Variants in AGFG1 observed in about 807,000 individuals in gnomAD.
AGFG1 encodes the protein ArfGAP with FG repeats 1.
A neutral mutation model predicts 60.6 loss-of-function variants in AGFG1; 10 were observed. The ratio of observed to expected loss-of-function variants is 0.16; its 90% CI spans 0.10 to 0.28. AGFG1 has a LOEUF of 0.28. Ranked by LOEUF, AGFG1 falls within the 10% of genes least tolerant of loss-of-function variation. The pLI, the probability that AGFG1 is intolerant of heterozygous loss-of-function variation, is 1.00. For synonymous variants in AGFG1, 247 were observed against 242.9 expected, an observed-to-expected ratio of 1.02 and a Z score of -0.16; for missense variants, 537 against 676.5, an observed-to-expected ratio of 0.79 and a Z score of 2.29.
chr2:227,501,022 G>C (rs745694107), intron 2 of AGFG1, among the ~76,000 whole-genome samples: 2 of 152,100 alleles, frequency 1.3e-5, no homozygotes, highest in Non-Finnish European at 2.9e-5. Flanking sequence ...TTGAACTCCT[G>C]ATCTCAGGTG....
chr2:227,560,615 C>T lies in AGFG1; in HGVS notation c.*6120C>T, dbSNP rs1469202506. The T allele has an allele frequency of 3.9e-5, 6 of 152,108 alleles. No homozygotes were observed. Among genetic ancestry groups the T allele is most frequent in the African/African-American group, 9.7e-5 (4 of 41,446 alleles). 9.4% of individuals were successfully genotyped at this position (152,108 alleles called of 1,614,324 possible). On this transcript the variant is annotated 3_prime_UTR_variant, in exon 13 of 13. Transcript: ENST00000310078. The stretch of plus-strand genomic sequence containing the variant: ...ACTTTGTTTTGCAGTTTGTTGGTAT[C>T]GTGCCTTTCCTTATCTACATTAGCT...
Position 227,533,581 on chromosome 2 carries a change from G to C in AGFG1, c.847G>C (p.Ala283Pro). ...GSAASVNANF[A>P]HFDNFPKSSS... ...TGCTGCATCAGTAAATGCTAATTTTGCTCATTTTGATAACTTCCCCAAATC... is the reference window on the plus strand; with the variant it reads ...TGCTGCATCAGTAAATGCTAATTTTCCTCATTTTGATAACTTCCCCAAATC... The change falls in exon 7 of 13, where the codon GCT (alanine) becomes CCT (proline). Residue 283 changes from alanine (A) to proline (P), a missense_variant. This residue lies in a region of AGFG1 where 287 missense variants were observed against 343.6 expected (regional missense o/e 0.84). Coordinates refer to ENST00000310078, the MANE Select transcript of AGFG1 (RefSeq NM_004504.5). The C allele has an allele frequency of 3.1e-6, 5 of 1,613,656 alleles. No individual in the cohort carries two copies. The highest frequency in any genetic ancestry group is 4.2e-6 in the Non-Finnish European group (5 of 1,179,738).
intron 6 of AGFG1, among the ~76,000 whole-genome samples, chr2:227,531,655 A>G (rs1012471423): frequency 2.0e-4 from 29 of 146,640 alleles, no homozygotes; most frequent in African/African-American, 4.5e-4. Flanking sequence ...CTGGTCTTGA[A>G]CTCCTGGCCT....
chr2:227,523,069 G>A (rs1691870507), intron 3 of AGFG1, among the ~76,000 whole-genome samples: 4 of 152,148 alleles, frequency 2.6e-5, no homozygotes, highest in African/African-American at 9.7e-5. Context: ...ACATGCATCT[G>A]TATACACTTA....
At chr2:227,526,704 G>A (rs1260737544) in intron 5 of AGFG1, among the ~76,000 whole-genome samples, 2 of 148,260 alleles carry the variant, frequency 1.3e-5, no homozygotes, top group African/African-American at 5.0e-5. Flanking sequence ...CACCACTCCC[G>A]GCTGTTTTTT....
rs550046526 is a variant in AGFG1 at position 227,491,520 on chromosome 2, A to C, written c.168-27A>C. On this transcript the variant is annotated intron_variant, in intron 1 of 12. Transcript: ENST00000310078. ...TTTAAAAATGTGGTATGTACTAGTA[A>C]ATTTTGTAAAATATTTTATCTTTTA... 14 of 1,474,764 alleles carry C rather than the reference A, an allele frequency of 9.5e-6. No homozygotes were observed. The African/African-American group carries it at 1.6e-4, about 17-fold the overall frequency. The allele number at this position is 1,474,764 out of a possible 1,614,324, so 91.4% of individuals were successfully genotyped here. A position where few individuals can be genotyped will look rare whatever the true frequency, so the allele number is the denominator to read the frequency against.
intron 5 of AGFG1, among the ~76,000 whole-genome samples, chr2:227,525,476 A>G (rs1206980118): frequency 6.6e-6 from 1 of 152,252 alleles, no homozygotes; most frequent in Admixed American, 6.5e-5. Flanking sequence ...GTACATATGT[A>G]CATACATGCA....
intron 2 of AGFG1, among the ~76,000 whole-genome samples, chr2:227,496,454 T>TA (rs11374840): frequency 0.014 from 2,147 of 149,746 alleles, 32 homozygotes; most frequent in Non-Finnish European, 0.02. Context: ...AAAAAAAAAA[T>TA]AAATAAAATA....
At chr2:227,536,576 T>C (rs761068911) in intron 8 of AGFG1, 49 bp from the exon 9 acceptor site, 3 of 1,525,594 alleles carry the variant, frequency 2.0e-6, no homozygotes, top group South Asian at 1.1e-5. Context: ...ATCGTTACTT[T>C]CTTTTTTTTT....
At chr2:227,525,577 A>G (rs1559187521) in intron 5 of AGFG1, among the ~76,000 whole-genome samples, 1 of 152,218 alleles carries the variant, frequency 6.6e-6, no homozygotes, top group Non-Finnish European at 1.5e-5. Flanking sequence ...CTCTTAGTTC[A>G]TAAGATTTTT....
rs138938707 is a variant in AGFG1, at chr2:227,531,216, G to A, written c.814+6G>A. ...TTTTCAGCCCCAAACTACAGGTAGAGCTTCTCCAGCATTGTGCTTAAATGT... is the reference window on the plus strand; with the variant it reads ...TTTTCAGCCCCAAACTACAGGTAGAACTTCTCCAGCATTGTGCTTAAATGT... On this transcript the variant is annotated splice_donor_region_variant and intron_variant, in intron 6 of 12. Coordinates refer to ENST00000310078, the MANE Select transcript of AGFG1 (RefSeq NM_004504.5). 4.0e-5 allele frequency: 64 copies of A among 1,612,090 alleles called. No individual in the cohort carries two copies. In the East Asian group the frequency reaches 1.4e-3, roughly 34 times the overall value.
intron 10 of AGFG1, among the ~76,000 whole-genome samples, chr2:227,543,553 C>T (rs1692555036): frequency 6.6e-6 from 1 of 152,164 alleles, no homozygotes; most frequent in South Asian, 2.1e-4. Flanking sequence ...TTTGCATTTG[C>T]TGAAGAGTGC....
intron 2 of AGFG1, among the ~76,000 whole-genome samples, chr2:227,507,709 ATTC>A (rs1691367943): frequency 6.7e-6 from 1 of 148,912 alleles, no homozygotes; most frequent in South Asian, 2.1e-4. Context: ...CAATAGTTTT[ATTC>A]TTCTTTTAAG....
At chr2:227,486,377 C>T (rs909351267) in intron 1 of AGFG1, among the ~76,000 whole-genome samples, 7 of 152,068 alleles carry the variant, frequency 4.6e-5, no homozygotes, top group African/African-American at 1.7e-4. Context: ...GGAGCCTTTT[C>T]AGTTTGCCAT....
rs148621752 is a variant in AGFG1 at position 227,497,730 on chromosome 2, G to GTTTTTTTTTTTTTTTTTTTTTTTTTT, written c.261+6094_261+6095insTTTTTTTTTTTTTTTTTTTTTTTTTT. 1.0e-4 allele frequency among the ~76,000 whole-genome samples: 4 copies of GTTTTTTTTTTTTTTTTTTTTTTTTTT among 38,924 alleles called. 1 individual carries two copies. The highest frequency in any genetic ancestry group is 1.5e-4 in the African/African-American group (2 of 13,230). 25.5% of individuals were successfully genotyped at this position (38,924 alleles called of 152,430 possible). A position where few individuals can be genotyped will look rare whatever the true frequency, so the allele number is the denominator to read the frequency against. ...ATATAGCCAAATGAGTTTCTTTCTT[G>GTTTTTTTTTTTTTTTTTTTTTTTTTT]TTTTGTTTTTTTTTTTTTTTTTTTT... On this transcript the variant is annotated intron_variant, in intron 2 of 12. Coordinates refer to ENST00000310078, the MANE Select transcript of AGFG1 (RefSeq NM_004504.5).
chr2:227,488,104 A>G (rs1690692795), intron 1 of AGFG1, among the ~76,000 whole-genome samples: 1 of 152,246 alleles, frequency 6.6e-6, no homozygotes. Context: ...GCTCATTTGA[A>G]TAAATCCTGT....
chr2:227,530,608 A>T (rs553653519), intron 5 of AGFG1, among the ~76,000 whole-genome samples: 10 of 152,008 alleles, frequency 6.6e-5, no homozygotes, highest in Admixed American at 2.6e-4. Context: ...ATGGTGAGAC[A>T]TTTGTAAACT....
rs761108505 is a variant in AGFG1 at position 227,534,954 on chromosome 2, A to G, written c.1134A>G (p.Ala378=). 6.2e-7 allele frequency: 1 copy of G among 1,613,750 alleles called. No individual in the cohort carries two copies. Among genetic ancestry groups the G allele is most frequent in the Non-Finnish European group, 8.5e-7 (1 of 1,179,676 alleles). The change falls in exon 8 of 13, where the codon GCA becomes GCG. Residue 378 remains alanine (A), a synonymous_variant. Coordinates refer to ENST00000310078, the MANE Select transcript of AGFG1 (RefSeq NM_004504.5). The stretch of plus-strand genomic sequence containing the variant: ...CTTCAGACAAGTATGCAGCTCTGGC[A>G]GAACTAGACAGCGTTTTCAGTTCTG... ...SASSDKYAAL[A]ELDSVFSSAA...
At chr2:227,536,495 C>G (rs1692317677) in intron 8 of AGFG1, 130 bp from the exon 9 acceptor site, 1 of 636,702 alleles carries the variant, frequency 1.6e-6, no homozygotes, top group African/African-American at 1.8e-5. Context: ...ACTTAAATGT[C>G]TTAATTTTCT....
Sources: allele counts gnomAD v4.1 joint callset (sites outside exome capture counted in the v4.1 genomes callset), GRCh38; gene constraint gnomAD v4.1.1; regional missense constraint gnomAD v4.1.1; transcripts MANE v1.5; gene names NCBI Gene and HGNC (gene_info 2026-07-23, HGNC 2026-07-21).